The following CD3E variants were observed in gnomAD, a reference collection of about 807,000 sequenced individuals.
The protein encoded by CD3E is CD3 epsilon subunit of T-cell receptor complex.
CD3E carries 16 observed loss-of-function variants against 34.7 expected under a neutral mutation model. The ratio of observed to expected loss-of-function variants is 0.46; its 90% CI spans 0.31 to 0.70. The LOEUF is 0.70. Ranked by LOEUF, CD3E falls within the 30% of genes least tolerant of loss-of-function variation. The pLI is 0.05. For missense variants in CD3E, 223 were observed against 253.9 expected (o/e 0.88, Z 0.83); for synonymous variants, 70 against 90.8 (o/e 0.77, Z 1.30).
chr11:118,313,639 C>T (rs1948148474), intron 6 of CD3E, 68 bp from the exon 7 acceptor site: 1 of 1,474,438 alleles, frequency 6.8e-7, no homozygotes, highest in African/African-American at 1.4e-5. Flanking sequence ...TGCACTCCCT[C>T]CTCACCTCCA....
intron 2 of CD3E, among the ~76,000 whole-genome samples, chr11:118,306,128 T>C (rs1249649821): frequency 1.3e-5 from 2 of 152,112 alleles, no homozygotes; most frequent in Non-Finnish European, 2.9e-5. Flanking sequence ...GTGACTCCTG[T>C]AAGGAGTGGC....
chr11:118,309,624 T>A (rs1383633345), intron 4 of CD3E, among the ~76,000 whole-genome samples: 4 of 152,202 alleles, frequency 2.6e-5, no homozygotes, highest in Non-Finnish European at 5.9e-5. Context: ...TAGCTATTAA[T>A]ACATGGAAAG....
chr11:118,314,404 G>C (rs200004680), intron 7 of CD3E, 44 bp from the exon 8 acceptor site: 2 of 1,559,934 alleles, frequency 1.3e-6, no homozygotes, highest in Admixed American at 1.7e-5. Context: ...CTGCAAGATT[G>C]GTTCCCTCAT....
intron 4 of CD3E, among the ~76,000 whole-genome samples, chr11:118,310,560 T>A (rs951772594): frequency 6.6e-6 from 1 of 152,242 alleles, no homozygotes; most frequent in African/African-American, 2.4e-5. Flanking sequence ...GTCTTTGCTA[T>A]TGTGAATAGT....
At chr11:118,314,604 C>T in intron 8 of CD3E, 110 bp downstream of exon 8, 1 of 956,090 alleles carries the variant, frequency 1.0e-6, no homozygotes, top group South Asian at 1.4e-5. Context: ...AAGCCCCTCA[C>T]TCAGGGCTTC....
In CD3E at chr11:118,304,921, T is replaced by C. The variant is rs748858795; in HGVS notation, c.-32T>C. On this transcript the variant is annotated 5_prime_UTR_variant, in exon 2 of 9. Transcript: ENST00000361763. ...GTAGTAAGTCTGCTGGCCTCCGCCATCTTAGTAAAGTAACAGTCCCATGAA... is the reference window on the plus strand; with the variant it reads ...GTAGTAAGTCTGCTGGCCTCCGCCACCTTAGTAAAGTAACAGTCCCATGAA... 1.9e-6 allele frequency: 3 copies of C among 1,610,652 alleles called. No individual in the cohort carries two copies. In the Admixed American group the frequency reaches 5.0e-5, roughly 27 times the overall value.
In CD3E at chr11:118,313,848, G is replaced by A. The variant is rs1188665842; in HGVS notation, c.494G>A (p.Gly165Glu). The A allele has an allele frequency of 2.5e-6, 4 of 1,613,658 alleles. No homozygotes were observed. The highest frequency in any genetic ancestry group is 3.4e-6 in the Non-Finnish European group (4 of 1,180,048). ...GCCAAGGCCAAGCCTGTGACACGAGGAGCGGGTGCTGGCGGCAGGCAAAGG... is the reference window on the plus strand; with the variant it reads ...GCCAAGGCCAAGCCTGTGACACGAGAAGCGGGTGCTGGCGGCAGGCAAAGG... ...RKAKAKPVTRGAGAGGRQRGQ... is the reference protein window; with the variant it reads ...RKAKAKPVTREAGAGGRQRGQ... Residue 165 changes from glycine to glutamate, a missense_variant, in exon 7 of 9, where the codon GGA (glycine) becomes GAA (glutamate). Gly to Glu is a moderately conservative substitution (Grantham distance 98, BLOSUM62 -2). Coordinates refer to ENST00000361763, the MANE Select transcript of CD3E (RefSeq NM_000733.4).
chr11:118,305,778 C>T (rs1268666049), intron 2 of CD3E, among the ~76,000 whole-genome samples: 1 of 152,138 alleles, frequency 6.6e-6, no homozygotes, highest in Non-Finnish European at 1.5e-5. Context: ...ATAGTAAGTG[C>T]CGAAGCCAAT....
chr11:118,313,758 T>A lies in CD3E; in HGVS notation c.404T>A (p.Ile135Lys), dbSNP rs1196034018. The change falls in exon 7 of 9, where the codon ATA becomes AAA. Residue 135 changes from isoleucine to lysine, a missense_variant. Physicochemically the swap from Ile to Lys is moderately radical, Grantham distance 102. Coordinates refer to ENST00000361763, the MANE Select transcript of CD3E (RefSeq NM_000733.4). ...MDVMSVATIV[I>K]VDICITGGLL... Reference sequence around the variant, plus strand: ...GTGATGTCGGTGGCCACAATTGTCATAGTGGACATCTGCATCACTGGGGGC... The same window carrying A: ...GTGATGTCGGTGGCCACAATTGTCAAAGTGGACATCTGCATCACTGGGGGC... The A allele has an allele frequency of 6.2e-7, 1 of 1,613,984 alleles. No homozygotes were observed. The highest frequency in any genetic ancestry group is 8.5e-7 in the Non-Finnish European group (1 of 1,179,988).
intron 4 of CD3E, among the ~76,000 whole-genome samples, chr11:118,311,183 T>C (rs1948133747): frequency 6.6e-6 from 1 of 152,222 alleles, no homozygotes; most frequent in Admixed American, 6.5e-5. Flanking sequence ...GGATTCAAAC[T>C]CAGGGCTTCT....
intron 8 of CD3E, among the ~76,000 whole-genome samples, chr11:118,315,068 C>A (rs1444127599): frequency 6.6e-6 from 1 of 151,780 alleles, no homozygotes; most frequent in African/African-American, 2.4e-5. Context: ...AGAGTTAATG[C>A]CTGGCATGGC....
Position 118,306,944 on chromosome 11 carries a change from T to C in CD3E, c.50-344T>C, listed in dbSNP as rs139815501. ...CGTGTTTTTCTTCCACAGACACCAA[T>C]GTTCAAAATGGAGGCTTGGGGGCAA... On this transcript the variant is annotated intron_variant, in intron 2 of 8. Coordinates refer to ENST00000361763, the MANE Select transcript of CD3E (RefSeq NM_000733.4). Among the ~76,000 whole-genome samples the C allele has an allele frequency of 8.5e-3, 1,297 of 152,294 alleles. 9 individuals carry two copies. Among genetic ancestry groups the C allele is most frequent in the South Asian group, 0.015 (71 of 4,828 alleles).
chr11:118,310,346 G>T (rs182811812), intron 4 of CD3E, among the ~76,000 whole-genome samples: 1 of 152,090 alleles, frequency 6.6e-6, no homozygotes, highest in East Asian at 1.9e-4. Flanking sequence ...TCATCATTTA[G>T]CTCCCACTTC....
At chr11:118,314,544 G>A (rs1353812374) in intron 8 of CD3E, 50 bp downstream of exon 8, 2 of 1,551,762 alleles carry the variant, frequency 1.3e-6, no homozygotes, top group Admixed American at 1.7e-5. Flanking sequence ...TGTCCCTCCA[G>A]GGGGGAAGGA....
Position 118,313,697 on chromosome 11 carries a change from C to G in CD3E, c.353-10C>G, listed in dbSNP as rs200718457. On this transcript the variant is annotated splice_polypyrimidine_tract_variant and intron_variant, in intron 6 of 8. Transcript: ENST00000361763. ...AGTGATTTCCCCTCTCCCCACCCCA[C>G]CCCCCACAGTGTGTGAGAACTGCAT... 2 of 1,612,658 alleles carry G rather than the reference C, an allele frequency of 1.2e-6. No homozygotes were observed. Among genetic ancestry groups the G allele is most frequent in the Non-Finnish European group, 1.7e-6 (2 of 1,179,002 alleles).
chr11:118,312,942 C>T, intron 6 of CD3E, 76 bp downstream of exon 6: 1 of 1,571,174 alleles, frequency 6.4e-7, no homozygotes, highest in Middle Eastern at 1.7e-4. Context: ...CAGTGATTTT[C>T]CCTAACCCAG....
At chr11:118,311,203 G>A (rs1232267195) in intron 4 of CD3E, among the ~76,000 whole-genome samples, 1 of 152,304 alleles carries the variant, frequency 6.6e-6, no homozygotes, top group East Asian at 1.9e-4. Flanking sequence ...TGACTCTTGA[G>A]TCCAGAGCTC....
At chr11:118,312,282 T>C (rs765877508) in intron 5 of CD3E, 112 bp downstream of exon 5, 4 of 1,003,644 alleles carry the variant, frequency 4.0e-6, no homozygotes, top group South Asian at 1.3e-5. Context: ...CTTCCCAGCA[T>C]TGCATTCTCA....
chr11:118,307,264 T>G (rs1381893835), intron 2 of CD3E, 24 bp from the exon 3 acceptor site: 4 of 1,596,412 alleles, frequency 2.5e-6, no homozygotes, highest in Non-Finnish European at 3.4e-6. Context: ...TACTAACACT[T>G]TTTTTTTCTT....
Sources: gnomAD v4.1 joint callset for allele counts (sites outside exome capture counted in the v4.1 genomes callset) on GRCh38, gnomAD v4.1.1 for gene constraint, MANE v1.5 for transcripts, NCBI Gene and HGNC (gene_info 2026-07-23, HGNC 2026-07-21) for gene names.